The following CUX1 variants were observed in gnomAD, a reference collection of about 807,000 sequenced individuals.
The protein encoded by CUX1 is cut like homeobox 1, also known as protein CASP.
Under a neutral mutation model 158.8 loss-of-function variants are expected in CUX1, and 31 were observed. The observed-to-expected ratio is 0.20, with a 90% CI of 0.15 to 0.26. The LOEUF (loss-of-function observed/expected upper bound fraction) is 0.26. Among genes scored for constraint, CUX1 ranks in the 10% least tolerant of loss-of-function variants. The probability of loss-of-function intolerance (pLI) is 1.00; values close to 1 mark genes in which losing one functional copy is unlikely to be tolerated. For synonymous variants in CUX1, 879 were observed against 862.1 expected (o/e 1.02, Z -0.34); for missense variants, 1,589 against 2,014.6 (o/e 0.79, Z 4.04).
At position 102,195,550 on chromosome 7, in the gene CUX1, G is replaced by A. The variant is rs1554518036; in HGVS notation, c.1169G>A (p.Arg390His). Residue 390 changes from arginine (R) to histidine (H), a missense_variant, in exon 14 of 24, where the codon CGC (arginine) becomes CAC (histidine). By Grantham distance (29) the Arg-to-His change is conservative (BLOSUM62 0). Around this residue, in one of 8 missense-constraint regions of CUX1, gnomAD observed 515 missense variants for 574.4 expected, o/e 0.90. Transcript: ENST00000292535. ...PLEVLLLEKN[R>H]SLQSENAALR... ...GAGGTGCTGTTGCTGGAGAAGAACC[G>A]CTCGCTGCAGTCCGAGAACGCCGCG... The A allele has an allele frequency of 6.2e-7, 1 of 1,613,038 alleles. No individual in the cohort carries two copies. Among genetic ancestry groups the A allele is most frequent in the East Asian group, 2.2e-5 (1 of 44,862 alleles).
rs867410877 is a variant in CUX1, at chr7:101,984,111, T to A, written c.142-43987T>A. On this transcript the variant is annotated intron_variant, in intron 2 of 23. Coordinates refer to ENST00000292535, the MANE Select transcript of CUX1 (RefSeq NM_181552.4). ...AAAAATATATATATATATATATATA[T>A]ATATATATATATATATATACACACA... Among the ~76,000 whole-genome samples the A allele has an allele frequency of 2.7e-3, 120 of 44,946 alleles. 5 individuals are homozygous for A. The highest frequency in any genetic ancestry group is 5.0e-3 in the Non-Finnish European group (98 of 19,706). 29.5% of individuals were successfully genotyped at this position (44,946 alleles called of 152,430 possible).
At chr7:102,234,024 A>G in intron 21 of CUX1, 28 bp from the exon 22 acceptor site, 1 of 1,431,300 alleles carries the variant, frequency 7.0e-7, no homozygotes, top group Non-Finnish European at 9.2e-7. Context: ...CGGTGACAAT[A>G]CCTGTCTTGC....
chr7:102,144,871 T>G (rs1834860936), intron 8 of CUX1, among the ~76,000 whole-genome samples: 1 of 151,846 alleles, frequency 6.6e-6, no homozygotes, highest in Non-Finnish European at 1.5e-5. Context: ...GTGGATAACT[T>G]GAGGTCAGGA....
In CUX1 at chr7:102,249,620, C is replaced by T. The variant is rs1554539091; in HGVS notation, c.*578C>T. ...TATTAAAAGGGGGCTTTTTATCTGC[C>T]ATCTAATGGCTTCAGAGCGATAATA... On this transcript the variant is annotated 3_prime_UTR_variant, in exon 24 of 24. Transcript: ENST00000292535. 1 of 985,094 alleles carries T rather than the reference C, an allele frequency of 1.0e-6. No homozygotes were observed. Among genetic ancestry groups the T allele is most frequent in the Admixed American group, 6.2e-5 (1 of 16,220 alleles). 61.0% of individuals were successfully genotyped at this position (985,094 alleles called of 1,614,324 possible).
At chr7:101,816,165 C>G, upstream of CUX1, 1 of 849,500 alleles carries the variant, frequency 1.2e-6, no homozygotes, top group South Asian at 4.7e-5. Flanking sequence ...CCGCCGGGGG[C>G]CCCGGGCTGG....
At chr7:102,148,135 T>C (rs1835212189) in intron 8 of CUX1, among the ~76,000 whole-genome samples, 1 of 151,890 alleles carries the variant, frequency 6.6e-6, no homozygotes, top group African/African-American at 2.4e-5. Flanking sequence ...AGAAACAAAA[T>C]GAATGGACAA....
At chr7:101,996,111 C>CAA (rs765845088) in intron 2 of CUX1, among the ~76,000 whole-genome samples, 1 of 138,924 alleles carries the variant, frequency 7.2e-6, no homozygotes, top group Non-Finnish European at 1.6e-5. Context: ...AAACTCCATC[C>CAA]AAAAAAAAAA....
intron 10 of CUX1, among the ~76,000 whole-genome samples, chr7:102,176,894 GA>G (rs1586058727): frequency 6.7e-6 from 1 of 149,844 alleles, no homozygotes; most frequent in Non-Finnish European, 1.5e-5. Context: ...TTTAAAGGTT[GA>G]AAAAAGTACT....
chr7:101,883,210 C>A (rs556944006), intron 1 of CUX1, among the ~76,000 whole-genome samples: 69 of 152,246 alleles, frequency 4.5e-4, no homozygotes, highest in African/African-American at 1.5e-3. Flanking sequence ...GATTATTATT[C>A]TTTTAAAAAA....
intron 21 of CUX1, among the ~76,000 whole-genome samples, chr7:102,227,946 T>C (rs964194901): frequency 3.4e-5 from 4 of 116,188 alleles, no homozygotes; most frequent in African/African-American, 1.3e-4. Flanking sequence ...CTGTCTCTTT[T>C]TTTTCTTTTT....
At chr7:102,075,108 C>G (rs1431675477) in intron 4 of CUX1, among the ~76,000 whole-genome samples, 3 of 152,304 alleles carry the variant, frequency 2.0e-5, no homozygotes, top group Non-Finnish European at 4.4e-5. Context: ...ATCCGCCCCC[C>G]TCAGCCTCCA....
chr7:102,164,289 C>T (rs1554508039), intron 9 of CUX1, among the ~76,000 whole-genome samples: 9 of 152,232 alleles, frequency 5.9e-5, no homozygotes, highest in Non-Finnish European at 1.3e-4. Flanking sequence ...TACCAAAGTA[C>T]TGGGACTACA....
At chr7:101,844,824 C>G (rs1440737021) in intron 1 of CUX1, among the ~76,000 whole-genome samples, 3 of 151,984 alleles carry the variant, frequency 2.0e-5, no homozygotes, top group Admixed American at 6.5e-5. Context: ...CCACGTTGGC[C>G]AGGCTGGTCT....
intron 1 of CUX1, among the ~76,000 whole-genome samples, chr7:101,886,919 C>T (rs1800285056): frequency 6.6e-6 from 1 of 152,194 alleles, no homozygotes; most frequent in Non-Finnish European, 1.5e-5. Flanking sequence ...GCTTCACCAG[C>T]AACAAGAGGA....
Position 102,234,119 on chromosome 7 carries a change from C to A in CUX1, c.3501C>A (p.Arg1167=), listed in dbSNP as rs782092657. 2 of 1,601,056 alleles carry A rather than the reference C, an allele frequency of 1.2e-6. No individual in the cohort carries two copies. Among genetic ancestry groups the A allele is most frequent in the African/African-American group, 1.3e-5 (1 of 74,110 alleles). The change falls in exon 22 of 24, where the codon CGC becomes CGA. Residue 1167 remains arginine, a synonymous_variant. Transcript: ENST00000292535. ...GCTCTGTCTCTGACCTCCTTGCCCG[C>A]CCCAAACCCTGGCATAAGCTCAGTC... is the stretch of plus-strand genomic sequence containing the variant. ...TQGSVSDLLA[R]PKPWHKLSLK... is the part of the protein sequence containing the mutation.
chr7:101,842,845 T>C (rs915115743), intron 1 of CUX1, among the ~76,000 whole-genome samples: 1 of 151,368 alleles, frequency 6.6e-6, no homozygotes, highest in Non-Finnish European at 1.5e-5. Context: ...TGTTAAATTC[T>C]ATTCGTTTTG....
At chr7:102,126,215 T>TGTGTA (rs1554495222) in intron 8 of CUX1, among the ~76,000 whole-genome samples, 1 of 96,014 alleles carries the variant, frequency 1.0e-5, no homozygotes, top group African/African-American at 4.3e-5. Flanking sequence ...GTGTGTGTAT[T>TGTGTA]TTTTGTAGAG....
intron 1 of CUX1, among the ~76,000 whole-genome samples, chr7:101,889,753 C>G (rs1562968474): frequency 6.6e-6 from 1 of 152,174 alleles, no homozygotes. Flanking sequence ...GCCTGGGCGA[C>G]AGAGCAAGAC....
rs997315764 is a variant in CUX1, at chr7:102,126,787, T to C, written c.674+11514T>C. Among the ~76,000 whole-genome samples, 4 of 152,302 alleles carry C rather than the reference T, an allele frequency of 2.6e-5. 1 individual carries two copies. The highest frequency in any genetic ancestry group is 2.6e-4 in the Admixed American group (4 of 15,298). ...TTCAGGATGATTCAAGCACGTTCTA[T>C]TTATTGTGCACTTTATTATTATGAC... is the stretch of plus-strand genomic sequence containing the variant. On this transcript the variant is annotated intron_variant, in intron 8 of 23. Transcript: ENST00000292535.
Sources: gnomAD v4.1 joint callset for allele counts (sites outside exome capture counted in the v4.1 genomes callset) on GRCh38, gnomAD v4.1.1 for gene constraint, gnomAD v4.1.1 regional missense constraint, MANE v1.5 for transcripts, NCBI Gene and HGNC (gene_info 2026-07-23, HGNC 2026-07-21) for gene names.